Variants in DPP6 observed in about 807,000 individuals in gnomAD.
DPP6 encodes dipeptidyl peptidase like 6.
Under a neutral mutation model 122.6 loss-of-function variants are expected in DPP6, and 69 were observed. The ratio of observed to expected loss-of-function variants is 0.56; its 90% CI spans 0.46 to 0.69. The LOEUF (loss-of-function observed/expected upper bound fraction) is 0.69. Among genes scored for constraint, DPP6 ranks in the 30% least tolerant of loss-of-function variants. The pLI is 0.00. For synonymous variants in DPP6, 418 were observed against 433.1 expected, an observed-to-expected ratio of 0.97 and a Z score of 0.43; for missense variants, 928 against 1,116.9, an observed-to-expected ratio of 0.83 and a Z score of 2.41.
chr7:154,813,229 C>T (rs1377333742), intron 16 of DPP6, among the ~76,000 whole-genome samples: 7 of 151,560 alleles, frequency 4.6e-5, no homozygotes, highest in South Asian at 2.1e-4. Context: ...TACAGGTGCC[C>T]GCCACAATGC....
At chr7:154,711,820 C>T (rs1841198403) in intron 7 of DPP6, among the ~76,000 whole-genome samples, 1 of 152,118 alleles carries the variant, frequency 6.6e-6, no homozygotes, top group Admixed American at 6.5e-5. Context: ...AATTAGCCCC[C>T]TCTTTAGCTA....
intron 1 of DPP6, among the ~76,000 whole-genome samples, chr7:154,160,208 C>T (rs1216079670): frequency 1.3e-5 from 2 of 151,646 alleles, no homozygotes; most frequent in South Asian, 2.1e-4. Flanking sequence ...GACTTGAACC[C>T]GGGACCTCCA....
chr7:154,555,565 A>G (rs984053388), intron 4 of DPP6, among the ~76,000 whole-genome samples: 7 of 152,126 alleles, frequency 4.6e-5, no homozygotes, highest in Admixed American at 2.0e-4. Flanking sequence ...ATGTATACAT[A>G]TGTAACAAAC....
At chr7:154,667,959 C>T (rs1489499593) in intron 6 of DPP6, among the ~76,000 whole-genome samples, 4 of 151,548 alleles carry the variant, frequency 2.6e-5, no homozygotes, top group African/African-American at 2.4e-5. Context: ...TAGCCTCCCC[C>T]ATCTGTCTTT....
intron 1 of DPP6, among the ~76,000 whole-genome samples, chr7:153,963,667 G>T (rs1239244433): frequency 6.6e-6 from 1 of 152,148 alleles, no homozygotes; most frequent in African/African-American, 2.4e-5. Flanking sequence ...ATTCTCATAG[G>T]AGTGGGAACC....
chr7:154,747,618 C>A (rs777701880), intron 8 of DPP6, among the ~76,000 whole-genome samples: 2 of 152,104 alleles, frequency 1.3e-5, no homozygotes, highest in Non-Finnish European at 2.9e-5. Context: ...TAGCTGACTC[C>A]TAGTGTTGTT....
At chr7:154,635,330 C>T (rs1586779350) in intron 5 of DPP6, among the ~76,000 whole-genome samples, 1 of 151,750 alleles carries the variant, frequency 6.6e-6, no homozygotes, top group African/African-American at 2.4e-5. Context: ...CTTGGCTTGG[C>T]TGAAGTAATA....
the DPP6 span, among the ~76,000 whole-genome samples, chr7:153,753,326 G>A: frequency 6.6e-6 from 1 of 152,008 alleles, no homozygotes; most frequent in Non-Finnish European, 1.5e-5. Context: ...TCTTTCTTGG[G>A]ATGACAATTG....
chr7:153,775,495 A>T, the DPP6 span, among the ~76,000 whole-genome samples: 62,421 of 150,878 alleles, frequency 0.41, 13,289 homozygotes, highest in South Asian at 0.52. Flanking sequence ...CCTGTTTAGC[A>T]TCATACTAGA....
At position 154,315,295 on chromosome 7, in the gene DPP6, T is replaced by C. The variant is rs1807337262; in HGVS notation, c.244-130919T>C. ...ATCCCAGGACATCACCTGTACACAT[T>C]GGGGGTTTGGCCCAGCAGGGCTTCA... is the stretch of plus-strand genomic sequence containing the variant. On this transcript the variant is annotated intron_variant, in intron 1 of 25. Transcript: ENST00000377770. 2.0e-5 allele frequency among the ~76,000 whole-genome samples: 3 copies of C among 152,132 alleles called. No individual in the cohort carries two copies. In the South Asian group the frequency reaches 6.2e-4, roughly 32 times the overall value.
intron 7 of DPP6, among the ~76,000 whole-genome samples, chr7:154,683,872 T>TA (rs1839436010): frequency 6.6e-6 from 1 of 152,088 alleles, no homozygotes; most frequent in South Asian, 2.1e-4. Context: ...ACTCTTTTTT[T>TA]AAAAAATGTT....
At chr7:154,742,738 G>A (rs1478215646) in intron 8 of DPP6, among the ~76,000 whole-genome samples, 1 of 152,208 alleles carries the variant, frequency 6.6e-6, no homozygotes, top group East Asian at 1.9e-4. Context: ...TCTGATGAAT[G>A]TTCTATGCCA....
chr7:153,778,589 G>A, the DPP6 span, among the ~76,000 whole-genome samples: 5,648 of 134,840 alleles, frequency 0.042, 361 homozygotes, highest in African/African-American at 0.18. Context: ...CTACAATTCC[G>A]TCAGCACCAT....
the DPP6 span, among the ~76,000 whole-genome samples, chr7:153,840,223 A>G: frequency 6.6e-6 from 1 of 152,292 alleles, no homozygotes; most frequent in East Asian, 1.9e-4. Flanking sequence ...CCTACTTTCA[A>G]TTACTAATTG....
chr7:154,216,863 C>T (rs1250523024), intron 1 of DPP6, among the ~76,000 whole-genome samples: 3 of 145,612 alleles, frequency 2.1e-5, no homozygotes, highest in East Asian at 4.0e-4. Context: ...AATTATAAAC[C>T]TCATATATAT....
At position 154,853,841 on chromosome 7, in the gene DPP6, T is replaced by C. The variant is rs1208224188; in HGVS notation, c.1714+14T>C. The C allele has an allele frequency of 6.2e-7, 1 of 1,613,426 alleles. No homozygotes were observed. The highest frequency in any genetic ancestry group is 8.5e-7 in the Non-Finnish European group (1 of 1,179,818). ...CAGATAAGAAAAGTAAGTGCTCTTT[T>C]TTTTCCTTAAATCTTCCTGAGACTC... On this transcript the variant is annotated intron_variant, in intron 17 of 25. Coordinates refer to ENST00000377770, the MANE Select transcript of DPP6 (RefSeq NM_130797.4).
intron 1 of DPP6, among the ~76,000 whole-genome samples, chr7:153,991,790 G>T (rs10952457): frequency 0.24 from 35,802 of 151,866 alleles, 4,657 homozygotes; most frequent in East Asian, 0.39. Context: ...CCTTGCAGCT[G>T]CCTCTCCAGC....
At chr7:153,973,385 A>G (rs1179397895) in intron 1 of DPP6, among the ~76,000 whole-genome samples, 2 of 152,214 alleles carry the variant, frequency 1.3e-5, no homozygotes, top group African/African-American at 2.4e-5. Context: ...GAATCAAGCA[A>G]TTCTTTTCAA....
In DPP6 at chr7:154,618,206, A is replaced by T. The variant is rs974724191; in HGVS notation, c.628-19615A>T. On this transcript the variant is annotated intron_variant, in intron 5 of 25. Coordinates refer to ENST00000377770, the MANE Select transcript of DPP6 (RefSeq NM_130797.4). This position sits in a 1 kb window ranked among gnomAD's most constrained non-coding sequence, Gnocchi z 4.1. ...GTGAAAAAGCATAGCTGCTTTTCTCACAGAGTAAAGAGGTCCAGCCCTGAG... is the reference window on the plus strand; with the variant it reads ...GTGAAAAAGCATAGCTGCTTTTCTCTCAGAGTAAAGAGGTCCAGCCCTGAG... Among the ~76,000 whole-genome samples, 2 of 152,148 alleles carry T rather than the reference A, an allele frequency of 1.3e-5. No homozygotes were observed. The highest frequency in any genetic ancestry group is 2.9e-5 in the Non-Finnish European group (2 of 68,038).
Sources: allele counts gnomAD v4.1 joint callset (sites outside exome capture counted in the v4.1 genomes callset), GRCh38; gene constraint gnomAD v4.1.1; non-coding constraint Gnocchi (gnomAD v3.1); transcripts MANE v1.5; gene names NCBI Gene and HGNC (gene_info 2026-07-23, HGNC 2026-07-21).